Variants in IQGAP2 observed in about 807,000 individuals in gnomAD.
The protein encoded by IQGAP2 is IQ motif containing GTPase activating protein 2, also known as ras GTPase-activating-like protein IQGAP2.
A neutral mutation model predicts 201.3 loss-of-function variants in IQGAP2; 173 were observed. The ratio of observed to expected loss-of-function variants is 0.86; its 90% CI spans 0.76 to 0.98. The LOEUF (loss-of-function observed/expected upper bound fraction) is 0.98. Ranked by LOEUF, IQGAP2 falls within the 50% of genes least tolerant of loss-of-function variation. The probability of loss-of-function intolerance (pLI) is 0.00; values close to 1 mark genes in which losing one functional copy is unlikely to be tolerated. For synonymous variants in IQGAP2, 675 were observed against 673.9 expected, an observed-to-expected ratio of 1.00 and a Z score of -0.03; for missense variants, 1,687 against 1,864.8, an observed-to-expected ratio of 0.90 and a Z score of 1.76.
intron 28 of IQGAP2, among the ~76,000 whole-genome samples, chr5:76,682,073 G>A (rs1408248293): frequency 6.6e-6 from 1 of 152,192 alleles, no homozygotes; most frequent in African/African-American, 2.4e-5. Context: ...ATAATGGAGA[G>A]TGACTGCCAA....
At chr5:76,688,595 T>A (rs1018097833) in intron 30 of IQGAP2, among the ~76,000 whole-genome samples, 8 of 152,160 alleles carry the variant, frequency 5.3e-5, no homozygotes, top group African/African-American at 1.9e-4. Flanking sequence ...GAAATGCTCT[T>A]TGGAGCGTTT....
intron 12 of IQGAP2, chr5:76,609,085 C>G (rs1748044946): frequency 6.5e-7 from 1 of 1,534,052 alleles, no homozygotes; most frequent in Non-Finnish European, 8.7e-7. Context: ...ATGTCATTCA[C>G]TATGACCTCA....
chr5:76,597,702 C>CT, intron 10 of IQGAP2, 100 bp downstream of exon 10: 1 of 1,250,810 alleles, frequency 8.0e-7, no homozygotes, highest in Admixed American at 1.9e-5. Context: ...TCGGGGATCT[C>CT]TAATTTGTAC....
chr5:76,432,884 T>TA (rs1466196336), intron 1 of IQGAP2, among the ~76,000 whole-genome samples: 1 of 152,214 alleles, frequency 6.6e-6, no homozygotes, highest in Non-Finnish European at 1.5e-5. Context: ...ATGGATCACA[T>TA]ATGGGGCCCC....
chr5:76,444,847 G>A (rs374314110), intron 1 of IQGAP2, among the ~76,000 whole-genome samples: 56 of 152,022 alleles, frequency 3.7e-4, no homozygotes, highest in Middle Eastern at 3.4e-3. Context: ...ATAGACTATC[G>A]GCTTAAGTGC....
In IQGAP2 at chr5:76,674,230, T is replaced by C. The variant is rs1157280844; in HGVS notation, c.3294+194T>C. ...GAGATCCTAGACATTATTGAAATTCTTTGCATTAGAGCATTTTGGGGGCAA... is the reference window on the plus strand; with the variant it reads ...GAGATCCTAGACATTATTGAAATTCCTTGCATTAGAGCATTTTGGGGGCAA... On this transcript the variant is annotated intron_variant, in intron 26 of 35. Coordinates refer to ENST00000274364, the MANE Select transcript of IQGAP2 (RefSeq NM_006633.5). 2.0e-5 allele frequency among the ~76,000 whole-genome samples: 3 copies of C among 152,246 alleles called. No homozygotes were observed. In the East Asian group the frequency reaches 5.8e-4, roughly 29 times the overall value.
intron 13 of IQGAP2, among the ~76,000 whole-genome samples, chr5:76,621,019 C>T (rs1357560771): frequency 1.3e-5 from 2 of 152,132 alleles, no homozygotes; most frequent in South Asian, 2.1e-4. Context: ...CTAATGTTAC[C>T]TTTAAGATAG....
intron 1 of IQGAP2, among the ~76,000 whole-genome samples, chr5:76,442,848 A>G (rs1371422757): frequency 1.3e-5 from 2 of 152,146 alleles, no homozygotes; most frequent in East Asian, 3.9e-4. Context: ...TTAGCCAGGC[A>G]TGGTGGTGGG....
At chr5:76,461,757 T>A in intron 2 of IQGAP2, 88 bp downstream of exon 2, 1 of 879,044 alleles carries the variant, frequency 1.1e-6, no homozygotes, top group Non-Finnish European at 1.9e-6. Context: ...CAGAGGGTTC[T>A]GAAATGGGCC....
In IQGAP2 at chr5:76,702,532, TC is replaced by T; in HGVS notation, c.4557del (p.Phe1519LeufsTer3). 6.2e-7 allele frequency: 1 copy of T among 1,601,670 alleles called. No homozygotes were observed. Among genetic ancestry groups the T allele is most frequent in the Non-Finnish European group, 8.6e-7 (1 of 1,168,682 alleles). ...DIIATEDVGI[F>X]DVRSKFLGVE... ...ATAGCTACTGAAGATGTAGGCATTTTCGATGTAAGATCAAAATTCCTTGGTG... is the reference window on the plus strand; with the variant it reads ...ATAGCTACTGAAGATGTAGGCATTTTGATGTAAGATCAAAATTCCTTGGTG... On this transcript the variant is annotated frameshift_variant, in exon 35 of 36. Coordinates refer to ENST00000274364, the MANE Select transcript of IQGAP2 (RefSeq NM_006633.5). LOFTEE classifies it high-confidence loss of function.
intron 21 of IQGAP2, chr5:76,660,178 T>C (rs1743132541): frequency 6.6e-6 from 1 of 152,308 alleles, no homozygotes; most frequent in East Asian, 1.9e-4. Context: ...GCCAGTTACA[T>C]GGGCATGTGA....
At chr5:76,563,274 G>A (rs549333131) in intron 3 of IQGAP2, among the ~76,000 whole-genome samples, 9 of 152,086 alleles carry the variant, frequency 5.9e-5, no homozygotes, top group South Asian at 2.1e-4. Context: ...AATAAAAACC[G>A]CACTGTTATT....
chr5:76,589,595 A>G lies in IQGAP2; in HGVS notation c.527-20A>G. On this transcript the variant is annotated intron_variant, in intron 6 of 35. Coordinates refer to ENST00000274364, the MANE Select transcript of IQGAP2 (RefSeq NM_006633.5). ...GTAGCTTTCTCTGATAATGATTATG[A>G]TTATTTTGTTCTTTGTTAGAGGAGG... 7.4e-7 allele frequency: 1 copy of G among 1,346,440 alleles called. No homozygotes were observed. The highest frequency in any genetic ancestry group is 1.4e-5 in the African/African-American group (1 of 69,576). 83.4% of individuals were successfully genotyped at this position (1,346,440 alleles called of 1,614,324 possible).
chr5:76,573,939 T>A (rs1243378032), intron 4 of IQGAP2, among the ~76,000 whole-genome samples: 4 of 152,138 alleles, frequency 2.6e-5, no homozygotes, highest in Non-Finnish European at 5.9e-5. Context: ...CTCTTCTCAT[T>A]GATACTTTAG....
intron 4 of IQGAP2, 146 bp from the exon 5 acceptor site, chr5:76,575,547 A>C (rs986515262): frequency 8.1e-6 from 4 of 490,940 alleles, no homozygotes; most frequent in Non-Finnish European, 1.5e-5. Flanking sequence ...CTATCTCTAC[A>C]GCAAGATGAA....
chr5:76,683,284 C>A, intron 29 of IQGAP2, 67 bp downstream of exon 29: 3 of 1,045,728 alleles, frequency 2.9e-6, no homozygotes, highest in South Asian at 2.9e-5. Context: ...TTGGTTGGTT[C>A]GTTGGTTTTC....
intron 32 of IQGAP2, among the ~76,000 whole-genome samples, chr5:76,696,589 A>T (rs1316715175): frequency 6.6e-6 from 1 of 152,200 alleles, no homozygotes; most frequent in Non-Finnish European, 1.5e-5. Flanking sequence ...ACCAGAAAAA[A>T]AAAAAATTTC....
chr5:76,523,276 G>T (rs1460522922), intron 2 of IQGAP2, among the ~76,000 whole-genome samples: 1 of 151,788 alleles, frequency 6.6e-6, no homozygotes, highest in Non-Finnish European at 1.5e-5. Context: ...ATTTTGTAAG[G>T]GGGAGAGTCT....
Position 76,403,658 on chromosome 5 carries a change from G to T in IQGAP2, c.46+67G>T. On this transcript the variant is annotated intron_variant, in intron 1 of 35. Coordinates refer to ENST00000274364, the MANE Select transcript of IQGAP2 (RefSeq NM_006633.5). The surrounding 1 kb of genome is among the most constrained non-coding windows in gnomAD (Gnocchi z 4.8). ...AGCTCCCTCCCCGAGGACGGCGTTG[G>T]AGAAGCCGAGGGAGCCGGTTGCGCG... The T allele has an allele frequency of 7.5e-7, 1 of 1,329,578 alleles. No individual in the cohort carries two copies. The highest frequency in any genetic ancestry group is 1.5e-5 in the South Asian group (1 of 67,204). The allele number at this position is 1,329,578 out of a possible 1,614,324, so 82.4% of individuals were successfully genotyped here.
Sources: gnomAD v4.1 joint callset for allele counts (sites outside exome capture counted in the v4.1 genomes callset) on GRCh38, gnomAD v4.1.1 for gene constraint, Gnocchi (gnomAD v3.1) non-coding constraint, MANE v1.5 for transcripts, NCBI Gene and HGNC (gene_info 2026-07-23, HGNC 2026-07-21) for gene names.